Variants in CORIN observed in about 807,000 individuals in gnomAD.
CORIN encodes the protein corin, serine peptidase.
In CORIN, 117 loss-of-function variants were observed where a neutral mutation model predicts 125.3. The ratio of observed to expected loss-of-function variants is 0.93; its 90% confidence interval spans 0.80 to 1.09. The LOEUF is 1.09. Among genes scored for constraint, CORIN ranks in the 50% least tolerant of loss-of-function variants. The probability of loss-of-function intolerance (pLI) is 0.00; values close to 1 mark genes in which losing one functional copy is unlikely to be tolerated. For synonymous variants in CORIN, 450 were observed against 466.4 expected (o/e 0.96, Z 0.45); for missense variants, 1,253 against 1,306.7 (o/e 0.96, Z 0.63).
intron 5 of CORIN, among the ~76,000 whole-genome samples, chr4:47,716,164 G>A (rs923907613): frequency 1.3e-5 from 2 of 152,196 alleles, no homozygotes; most frequent in African/African-American, 4.8e-5. Flanking sequence ...GTAACAGGAT[G>A]ATCTATGATT....
chr4:47,823,403 T>C (rs1732606273), intron 1 of CORIN, among the ~76,000 whole-genome samples: 1 of 152,168 alleles, frequency 6.6e-6, no homozygotes, highest in Non-Finnish European at 1.5e-5. Flanking sequence ...TTGTAGAAAA[T>C]GACATTTAAA....
chr4:47,693,813 A>C (rs1725871863), intron 5 of CORIN, among the ~76,000 whole-genome samples: 1 of 152,210 alleles, frequency 6.6e-6, no homozygotes, highest in African/African-American at 2.4e-5. Context: ...GTAGACAATA[A>C]ATTTAAGACA....
At chr4:47,673,475 T>C (rs530399096) in intron 10 of CORIN, among the ~76,000 whole-genome samples, 31 of 151,874 alleles carry the variant, frequency 2.0e-4, no homozygotes, top group Non-Finnish European at 3.7e-4. Flanking sequence ...AAAAGTTCAT[T>C]AGAAAAAGTG....
At chr4:47,609,587 A>ATT (rs33915844) in intron 19 of CORIN, among the ~76,000 whole-genome samples, 1 of 150,808 alleles carries the variant, frequency 6.6e-6, no homozygotes, top group Non-Finnish European at 1.5e-5. Flanking sequence ...AGGTAAACGG[A>ATT]TTTTTTTTTT....
At chr4:47,693,130 T>C (rs1267220592) in intron 5 of CORIN, 47 bp from the exon 6 acceptor site, 3 of 1,261,378 alleles carry the variant, frequency 2.4e-6, no homozygotes, top group Non-Finnish European at 2.3e-6. Context: ...ATGGGTTTTT[T>C]TTCTTTTAAG....
At chr4:47,621,326 T>C (rs1722300328) in intron 19 of CORIN, among the ~76,000 whole-genome samples, 1 of 152,126 alleles carries the variant, frequency 6.6e-6, no homozygotes, top group Non-Finnish European at 1.5e-5. Context: ...GTGAGTCTCA[T>C]ACAGAGAGGA....
intron 19 of CORIN, among the ~76,000 whole-genome samples, chr4:47,617,524 AGGGC>A (rs1722112431): frequency 2.0e-5 from 3 of 152,230 alleles, no homozygotes; most frequent in Admixed American, 1.3e-4. Flanking sequence ...CATAGAGGGC[AGGGC>A]AGTGGGGAGT....
intron 5 of CORIN, among the ~76,000 whole-genome samples, chr4:47,705,861 T>C (rs1214134063): frequency 6.6e-6 from 1 of 152,196 alleles, no homozygotes; most frequent in Non-Finnish European, 1.5e-5. Context: ...TGTGTAACAG[T>C]ATTTGAAAAC....
At chr4:47,730,540 C>T (rs188199743) in intron 5 of CORIN, among the ~76,000 whole-genome samples, 3 of 152,000 alleles carry the variant, frequency 2.0e-5, no homozygotes, top group African/African-American at 7.2e-5. Flanking sequence ...CACCCACCCC[C>T]AGACCCTGCG....
At chr4:47,778,426 A>C (rs906791671) in intron 3 of CORIN, among the ~76,000 whole-genome samples, 4 of 152,216 alleles carry the variant, frequency 2.6e-5, no homozygotes, top group Non-Finnish European at 5.9e-5. Flanking sequence ...TGCTTTCAGA[A>C]GCCTAGTTCT....
intron 1 of CORIN, among the ~76,000 whole-genome samples, chr4:47,811,121 T>C (rs948935352): frequency 6.6e-6 from 1 of 152,162 alleles, no homozygotes; most frequent in African/African-American, 2.4e-5. Flanking sequence ...CCTCCTCCTA[T>C]CTGGTTTACC....
chr4:47,719,543 C>A (rs1382222511), intron 5 of CORIN, among the ~76,000 whole-genome samples: 1 of 152,106 alleles, frequency 6.6e-6, no homozygotes, highest in Non-Finnish European at 1.5e-5. Context: ...GAATATTAAA[C>A]CATATAATGC....
chr4:47,803,547 A>G (rs1731637247), intron 2 of CORIN, among the ~76,000 whole-genome samples: 1 of 152,210 alleles, frequency 6.6e-6, no homozygotes, highest in African/African-American at 2.4e-5. Context: ...CCAGAAACAA[A>G]TTCACACACC....
chr4:47,717,859 T>C (rs771887740), intron 5 of CORIN, among the ~76,000 whole-genome samples: 2 of 152,006 alleles, frequency 1.3e-5, no homozygotes, highest in Non-Finnish European at 2.9e-5. Context: ...TTAGGGACCA[T>C]GACAGAAGCA....
intron 11 of CORIN, among the ~76,000 whole-genome samples, chr4:47,663,004 GT>G (rs1308215297): frequency 6.6e-6 from 1 of 152,160 alleles, no homozygotes; most frequent in East Asian, 1.9e-4. Context: ...AACTAGTTTT[GT>G]TGCAGATTTA....
At chr4:47,766,672 G>A (rs1242612959) in intron 3 of CORIN, among the ~76,000 whole-genome samples, 2 of 152,100 alleles carry the variant, frequency 1.3e-5, no homozygotes, top group Non-Finnish European at 2.9e-5. Context: ...AAGGCCGGGC[G>A]CAGTGGCTCA....
intron 1 of CORIN, among the ~76,000 whole-genome samples, chr4:47,807,479 G>A (rs2109953776): frequency 6.6e-6 from 1 of 152,202 alleles, no homozygotes; most frequent in Non-Finnish European, 1.5e-5. Context: ...ATTCTTTTTT[G>A]TCTCATTAGT....
chr4:47,632,725 T>TGATAGATAGATAGATATA (rs1553905880), intron 16 of CORIN, among the ~76,000 whole-genome samples: 2 of 126,658 alleles, frequency 1.6e-5, no homozygotes, highest in African/African-American at 6.4e-5. Context: ...TGACAATAGA[T>TGATAGATAGATAGATATA]GATAGATAGA....
Position 47,829,876 on chromosome 4 carries a change from A to G in CORIN, c.63+8011T>C, listed in dbSNP as rs569123452. Among the ~76,000 whole-genome samples, 172 of 152,336 alleles carry G rather than the reference A, an allele frequency of 1.1e-3. No individual in the cohort carries two copies. In the Middle Eastern group the frequency reaches 0.014, roughly 12 times the overall value. Reference sequence around the variant, plus strand: ...ATTGAAAAAGGCCCTGAAAGAGTAAATAGTCCAACTACCTCATTTTACACA... The same window carrying G: ...ATTGAAAAAGGCCCTGAAAGAGTAAGTAGTCCAACTACCTCATTTTACACA... On this transcript the variant is annotated intron_variant, in intron 1 of 21. Transcript: ENST00000273857.
Sources: allele counts gnomAD v4.1 joint callset (sites outside exome capture counted in the v4.1 genomes callset), GRCh38; gene constraint gnomAD v4.1.1; transcripts MANE v1.5; gene names NCBI Gene and HGNC (gene_info 2026-07-23, HGNC 2026-07-21).